OXSR1: variants seen among roughly 807,000 people sequenced by gnomAD.
OXSR1 encodes the protein serine/threonine-protein kinase OSR1.
Under a neutral mutation model 79.8 loss-of-function variants are expected in OXSR1, and 24 were observed. The observed-to-expected ratio is 0.30, with a 90% confidence interval of 0.22 to 0.42. The LOEUF (loss-of-function observed/expected upper bound fraction) is 0.42. Ranked by LOEUF, OXSR1 falls within the 10% of genes least tolerant of loss-of-function variation. The pLI is 1.00. For synonymous variants in OXSR1, 226 were observed against 209.2 expected (o/e 1.08, Z -0.69); for missense variants, 430 against 618.4 (o/e 0.70, Z 3.23).
At chr3:38,192,290 T>G (rs1701998601) in intron 3 of OXSR1, among the ~76,000 whole-genome samples, 1 of 152,124 alleles carries the variant, frequency 6.6e-6, no homozygotes, top group Non-Finnish European at 1.5e-5. Context: ...ATCCTTAACT[T>G]TATAATTCAA....
Position 38,251,432 on chromosome 3 carries a change from A to C in OXSR1, c.1405A>C (p.Ile469Leu). ...DTAEGVSQEL[I>L]SAGLVDGRDL... Reference sequence around the variant, plus strand: ...AGCAGAGGGTGTCTCTCAGGAACTCATTTCTGCTGGCCTGGTCGACGGAAG... The same window carrying C: ...AGCAGAGGGTGTCTCTCAGGAACTCCTTTCTGCTGGCCTGGTCGACGGAAG... The change falls in exon 16 of 18, where the codon ATT becomes CTT. Residue 469 changes from isoleucine (I) to leucine (L), a missense_variant. Coordinates refer to ENST00000311806, the MANE Select transcript of OXSR1 (RefSeq NM_005109.3). The C allele has an allele frequency of 6.2e-7, 1 of 1,613,490 alleles. No individual in the cohort carries two copies. Among genetic ancestry groups the C allele is most frequent in the East Asian group, 2.2e-5 (1 of 44,872 alleles).
intron 4 of OXSR1, among the ~76,000 whole-genome samples, chr3:38,214,827 C>A (rs1292265014): frequency 6.6e-6 from 1 of 152,162 alleles, no homozygotes; most frequent in Non-Finnish European, 1.5e-5. Context: ...TTGTGAAACT[C>A]TTGTTCATTG....
intron 1 of OXSR1, among the ~76,000 whole-genome samples, chr3:38,175,099 T>G (rs1025417714): frequency 4.6e-5 from 7 of 152,180 alleles, no homozygotes; most frequent in African/African-American, 1.7e-4. Flanking sequence ...GTGACAATAC[T>G]TTAGTCATCT....
chr3:38,243,786 G>A (rs369304836), intron 12 of OXSR1, among the ~76,000 whole-genome samples: 19 of 152,278 alleles, frequency 1.2e-4, no homozygotes, highest in East Asian at 3.9e-4. Flanking sequence ...TTAACAGGCC[G>A]ATATCTGTTA....
intron 3 of OXSR1, among the ~76,000 whole-genome samples, chr3:38,196,223 A>G (rs951631434): frequency 6.6e-6 from 1 of 152,170 alleles, no homozygotes; most frequent in Non-Finnish European, 1.5e-5. Flanking sequence ...TTAGGTATTA[A>G]TTGGGTTATT....
At position 38,207,947 on chromosome 3, in the gene OXSR1, C is replaced by CCTTCCTTCCTTT. The variant is rs1339690129; in HGVS notation, c.435-8138_435-8137insTCTTCCTTCCTT. ...CTCCCCTCCCTTTCCTTCCTTCCTTCCTTCCTTCCTTCCTTTCTTCCTTCC... is the reference window on the plus strand; with the variant it reads ...CTCCCCTCCCTTTCCTTCCTTCCTTCCTTCCTTCCTTTCTTCCTTCCTTCCTTTCTTCCTTCC... On this transcript the variant is annotated intron_variant, in intron 4 of 17. Coordinates refer to ENST00000311806, the MANE Select transcript of OXSR1 (RefSeq NM_005109.3). Among the ~76,000 whole-genome samples, 343 of 133,536 alleles carry CCTTCCTTCCTTT rather than the reference C, an allele frequency of 2.6e-3. 3 individuals are homozygous for CCTTCCTTCCTTT. The highest frequency in any genetic ancestry group is 9.1e-3 in the African/African-American group (325 of 35,668). 87.6% of individuals were successfully genotyped at this position (133,536 alleles called of 152,430 possible).
At chr3:38,205,557 C>T (rs73827641) in intron 4 of OXSR1, among the ~76,000 whole-genome samples, 7 of 152,262 alleles carry the variant, frequency 4.6e-5, no homozygotes, top group African/African-American at 9.6e-5. Flanking sequence ...AGAATATGTT[C>T]GTCTCTATCT....
At chr3:38,207,903 C>T (rs1339376092) in intron 4 of OXSR1, among the ~76,000 whole-genome samples, 1 of 98,654 alleles carries the variant, frequency 1.0e-5, no homozygotes, top group African/African-American at 3.9e-5. Context: ...TCCTCCCTCC[C>T]CCCTCCCCCT....
chr3:38,246,961 AT>A (rs11428789), intron 13 of OXSR1, among the ~76,000 whole-genome samples: 5,465 of 145,848 alleles, frequency 0.037, 107 homozygotes, highest in Middle Eastern at 0.13. Context: ...TAAAGGTCTG[AT>A]TTTTTTTTTT....
intron 8 of OXSR1, among the ~76,000 whole-genome samples, chr3:38,227,122 A>G (rs1702704559): frequency 6.6e-6 from 1 of 152,228 alleles, no homozygotes; most frequent in Non-Finnish European, 1.5e-5. Context: ...AACTTTGTTT[A>G]GAACATTGCT....
chr3:38,210,620 A>C (rs1203210007), intron 4 of OXSR1, among the ~76,000 whole-genome samples: 1 of 152,106 alleles, frequency 6.6e-6, no homozygotes, highest in East Asian at 1.9e-4. Flanking sequence ...CTGAGCCTCC[A>C]GACATTTGTC....
intron 4 of OXSR1, among the ~76,000 whole-genome samples, chr3:38,204,722 C>G (rs1702233364): frequency 6.6e-6 from 1 of 151,568 alleles, no homozygotes; most frequent in African/African-American, 2.4e-5. Context: ...TCCCTCTCCT[C>G]TCTTCAAGCA....
Position 38,253,020 on chromosome 3 carries a change from T to G in OXSR1, c.*129T>G. On this transcript the variant is annotated 3_prime_UTR_variant, in exon 18 of 18. Transcript: ENST00000311806. ...CTCCCGGCTAGGAGCTTTAGAAGTC[T>G]TTATGTTCTTCCTGCCATCATTCCT... 1 of 671,300 alleles carries G rather than the reference T, an allele frequency of 1.5e-6. No homozygotes were observed. The highest frequency in any genetic ancestry group is 1.8e-5 in the South Asian group (1 of 55,042). 41.6% of individuals were successfully genotyped at this position (671,300 alleles called of 1,614,324 possible). A position where few individuals can be genotyped will look rare whatever the true frequency, so the allele number is the denominator to read the frequency against.
chr3:38,200,931 A>G (rs149732365), intron 4 of OXSR1, among the ~76,000 whole-genome samples: 1 of 152,338 alleles, frequency 6.6e-6, no homozygotes, highest in Non-Finnish European at 1.5e-5. Context: ...AGCCTTGCCT[A>G]TTAAAATTTT....
intron 1 of OXSR1, among the ~76,000 whole-genome samples, chr3:38,182,481 T>G (rs1701805791): frequency 6.6e-6 from 1 of 152,210 alleles, no homozygotes; most frequent in African/African-American, 2.4e-5. Flanking sequence ...GAGCAGAGTT[T>G]TCTCATTTAT....
chr3:38,190,646 A>T, intron 2 of OXSR1, 85 bp from the exon 3 acceptor site: 1 of 767,948 alleles, frequency 1.3e-6, no homozygotes. Flanking sequence ...CACAGTCTTG[A>T]GATTTCAAAA....
chr3:38,229,946 TC>T (rs1378969721), intron 9 of OXSR1, among the ~76,000 whole-genome samples: 8 of 152,228 alleles, frequency 5.3e-5, no homozygotes, highest in Admixed American at 1.3e-4. Context: ...GTTAAACTGA[TC>T]ATAGGAACAA....
At chr3:38,246,730 T>C (rs1703148920) in intron 13 of OXSR1, among the ~76,000 whole-genome samples, 2 of 152,160 alleles carry the variant, frequency 1.3e-5, no homozygotes, top group Non-Finnish European at 2.9e-5. Flanking sequence ...ACACAAACTT[T>C]ATTAAATCAT....
At chr3:38,203,189 G>A (rs60945224) in intron 4 of OXSR1, among the ~76,000 whole-genome samples, 10,010 of 152,242 alleles carry the variant, frequency 0.066, 354 homozygotes, top group Middle Eastern at 0.14. Context: ...AAACGCTGAC[G>A]TATGCTACTG....
Sources: allele counts gnomAD v4.1 joint callset (sites outside exome capture counted in the v4.1 genomes callset), GRCh38; gene constraint gnomAD v4.1.1; transcripts MANE v1.5; gene names NCBI Gene and HGNC (gene_info 2026-07-23, HGNC 2026-07-21).